The following AGO2 variants were observed in gnomAD, a reference collection of about 807,000 sequenced individuals.
AGO2 encodes the protein protein argonaute-2.
AGO2 carries 5 observed loss-of-function variants against 102.3 expected under a neutral mutation model. The observed-to-expected ratio is 0.05, with a 90% CI of 0.03 to 0.10. The LOEUF (loss-of-function observed/expected upper bound fraction) is 0.10. Among genes scored for constraint, AGO2 ranks in the 10% least tolerant of loss-of-function variants. AGO2 has a pLI of 1.00. For synonymous variants in AGO2, 449 were observed against 473.1 expected, an observed-to-expected ratio of 0.95 and a Z score of 0.66; for missense variants, 541 against 1,183.7, an observed-to-expected ratio of 0.46 and a Z score of 7.97.
intron 1 of AGO2, among the ~76,000 whole-genome samples, chr8:140,604,002 G>C (rs1338901704): frequency 6.6e-6 from 1 of 152,234 alleles, no homozygotes; most frequent in Non-Finnish European, 1.5e-5. Flanking sequence ...GCATGGAGTG[G>C]TCCCATCATC....
rs1015925954 is a variant in AGO2 at position 140,562,618 on chromosome 8, G to C, written c.353C>G (p.Thr118Arg). 6.2e-7 allele frequency: 1 copy of C among 1,613,596 alleles called. No individual in the cohort carries two copies. Among genetic ancestry groups the C allele is most frequent in the Non-Finnish European group, 8.5e-7 (1 of 1,179,878 alleles). ...GCGATCCTTGCCTTCTCCTGGCAGC[G>C]TGACCTCCAGCTCCACCTGCGAGGA... is the stretch of plus-strand genomic sequence containing the variant. ...IGRDKVELEVTLPGEGKDRIF... is the reference protein window; with the variant it reads ...IGRDKVELEVRLPGEGKDRIF... The change falls in exon 4 of 19, where the codon ACG becomes AGG. Residue 118 changes from threonine (T) to arginine (R), a missense_variant. Transcript: ENST00000220592.
intron 12 of AGO2, among the ~76,000 whole-genome samples, chr8:140,548,765 CAGG>C (rs1467764685): frequency 6.6e-6 from 1 of 152,236 alleles, no homozygotes; most frequent in Non-Finnish European, 1.5e-5. Flanking sequence ...GAGTCCCGGG[CAGG>C]AGGTGACCCT....
chr8:140,541,451 G>T, intron 14 of AGO2, 93 bp from the exon 15 acceptor site: 2 of 1,197,838 alleles, frequency 1.7e-6, no homozygotes, highest in South Asian at 1.6e-5. Flanking sequence ...GGGACGAGAA[G>T]TGTCCCCACC....
At chr8:140,629,049 C>T (rs1027515995) in intron 1 of AGO2, among the ~76,000 whole-genome samples, 8 of 152,098 alleles carry the variant, frequency 5.3e-5, no homozygotes, top group Non-Finnish European at 1.2e-4. Context: ...CGACATTGCG[C>T]CACTGCCCTC....
At chr8:140,534,000 GC>G (rs917485329) in intron 17 of AGO2, among the ~76,000 whole-genome samples, 6 of 152,196 alleles carry the variant, frequency 3.9e-5, no homozygotes, top group Admixed American at 3.3e-4. Flanking sequence ...CCACCTGCCA[GC>G]CTCGCAGGCC....
At chr8:140,562,729 G>A in intron 3 of AGO2, 95 bp from the exon 4 acceptor site, 1 of 1,469,084 alleles carries the variant, frequency 6.8e-7, no homozygotes, top group Admixed American at 1.9e-5. Flanking sequence ...ACTCCTGGGT[G>A]AGGAAGTCCC....
chr8:140,582,462 C>CAAAT (rs1372996786), intron 2 of AGO2, among the ~76,000 whole-genome samples: 6 of 152,178 alleles, frequency 3.9e-5, no homozygotes, highest in South Asian at 2.1e-4. Flanking sequence ...TTCCAAAATT[C>CAAAT]AAATAAATAA....
chr8:140,557,285 C>T lies in AGO2; in HGVS notation c.879-49G>A, dbSNP rs966003736. 6.5e-7 allele frequency: 1 copy of T among 1,548,804 alleles called. No homozygotes were observed. Among genetic ancestry groups the T allele is most frequent in the Non-Finnish European group, 8.7e-7 (1 of 1,147,394 alleles). On this transcript the variant is annotated intron_variant, in intron 7 of 18. Transcript: ENST00000220592. This position sits in a 1 kb window ranked among gnomAD's most constrained non-coding sequence, Gnocchi z 5.9. ...GGCCGAGGGCATCCCGGAGCCCCTT[C>T]CCCTGCGCTGCTTTTCATTTGCGTT...
At chr8:140,620,123 C>T (rs1015907420) in intron 1 of AGO2, among the ~76,000 whole-genome samples, 50 of 152,170 alleles carry the variant, frequency 3.3e-4, no homozygotes, top group African/African-American at 1.1e-3. Context: ...TGCGGGGCTA[C>T]CTGAAGGGGT....
At chr8:140,553,397 GTTTT>G (rs1247887588) in intron 10 of AGO2, among the ~76,000 whole-genome samples, 1 of 129,682 alleles carries the variant, frequency 7.7e-6, no homozygotes, top group African/African-American at 3.3e-5. Context: ...CAAGTTACAA[GTTTT>G]TTGTTTTTTG....
intron 10 of AGO2, among the ~76,000 whole-genome samples, chr8:140,551,852 T>TCGG (rs2132913713): frequency 6.6e-6 from 1 of 151,174 alleles, no homozygotes; most frequent in Non-Finnish European, 1.5e-5. Flanking sequence ...GGTGAATGGG[T>TCGG]AAATGGTTGA....
chr8:140,631,758 T>C lies in AGO2; in HGVS notation c.22+3727A>G, dbSNP rs539470238. ...TAACTGTCATAACGGCACTGGGGTA[T>C]GTTCAAAACGTCTCCATTGCTTTAG... On this transcript the variant is annotated intron_variant, in intron 1 of 18. Coordinates refer to ENST00000220592, the MANE Select transcript of AGO2 (RefSeq NM_012154.5). Among the ~76,000 whole-genome samples, 14 of 152,286 alleles carry C rather than the reference T, an allele frequency of 9.2e-5. 1 individual carries two copies. The East Asian group carries it at 9.6e-4, about 10-fold the overall frequency.
At chr8:140,623,938 G>A (rs1006024087) in intron 1 of AGO2, among the ~76,000 whole-genome samples, 6 of 152,170 alleles carry the variant, frequency 3.9e-5, no homozygotes, top group Non-Finnish European at 7.3e-5. Flanking sequence ...GACACATGGC[G>A]AACACTGCAT....
chr8:140,607,487 T>C (rs200416924), intron 1 of AGO2, among the ~76,000 whole-genome samples: 9 of 46,022 alleles, frequency 2.0e-4, no homozygotes, highest in South Asian at 6.4e-4. Context: ...TATATATATA[T>C]ATATATATAT....
At chr8:140,551,464 G>C in intron 10 of AGO2, 28 bp from the exon 11 acceptor site, 1 of 1,487,750 alleles carries the variant, frequency 6.7e-7, no homozygotes, top group Non-Finnish European at 9.0e-7. Flanking sequence ...TTCAGGGTGA[G>C]AAAAAAATGG....
At chr8:140,552,738 GCGCACACACACACACACACA>G (rs2073022623) in intron 10 of AGO2, among the ~76,000 whole-genome samples, 15 of 97,346 alleles carry the variant, frequency 1.5e-4, no homozygotes, top group Non-Finnish European at 2.7e-4. Context: ...ACGCGCGCGC[GCGCACACACACACACACACA>G]CACACACACA....
chr8:140,542,664 C>T (rs936915472), intron 14 of AGO2, among the ~76,000 whole-genome samples: 1 of 152,014 alleles, frequency 6.6e-6, no homozygotes, highest in Non-Finnish European at 1.5e-5. Context: ...ACAAAGCTAA[C>T]GGGGACCAGG....
chr8:140,541,795 C>T (rs1279328825), intron 14 of AGO2, among the ~76,000 whole-genome samples: 3 of 151,868 alleles, frequency 2.0e-5, no homozygotes, highest in Non-Finnish European at 4.4e-5. Context: ...CCTAGCTACT[C>T]GGGAGGCTGA....
At chr8:140,552,636 A>G (rs993494241) in intron 10 of AGO2, among the ~76,000 whole-genome samples, 5 of 152,300 alleles carry the variant, frequency 3.3e-5, no homozygotes, top group East Asian at 3.9e-4. Flanking sequence ...CCTGTGTGCA[A>G]GAGTCTCACA....
Sources: allele counts gnomAD v4.1 joint callset (sites outside exome capture counted in the v4.1 genomes callset), GRCh38; gene constraint gnomAD v4.1.1; non-coding constraint Gnocchi (gnomAD v3.1); transcripts MANE v1.5; gene names NCBI Gene and HGNC (gene_info 2026-07-23, HGNC 2026-07-21).